Variants in DNAH17 observed in about 807,000 individuals in gnomAD.
The protein encoded by DNAH17 is axonemal beta dynein heavy chain 17.
Under a neutral mutation model 485.6 loss-of-function variants are expected in DNAH17, and 376 were observed. That is an observed-to-expected ratio of 0.77 (90% confidence interval 0.71 to 0.84). The LOEUF is 0.84. DNAH17 is among the 40% of genes least tolerant of loss of function. DNAH17 has a pLI of 0.00. For synonymous variants in DNAH17, 3,031 were observed against 2,405.9 expected (o/e 1.26, Z -7.60); for missense variants, 6,370 against 5,839.3 (o/e 1.09, Z -2.96).
At chr17:78,525,618 G>A (rs1480040409) in intron 24 of DNAH17, among the ~76,000 whole-genome samples, 1 of 152,254 alleles carries the variant, frequency 6.6e-6, no homozygotes, top group Non-Finnish European at 1.5e-5. Context: ...GATAGTGGGT[G>A]TGTTTGCGTG....
intron 16 of DNAH17, among the ~76,000 whole-genome samples, chr17:78,544,661 G>C (rs528640774): frequency 1.3e-5 from 2 of 152,006 alleles, no homozygotes; most frequent in Non-Finnish European, 2.9e-5. Context: ...AATTAGCCGC[G>C]CATGGTGGCG....
In DNAH17 at chr17:78,537,337, G is replaced by A. The variant is rs752633723; in HGVS notation, c.2821C>T (p.Leu941Phe). 2 of 1,597,480 alleles carry A rather than the reference G, an allele frequency of 1.3e-6. No individual in the cohort carries two copies. Among genetic ancestry groups the A allele is most frequent in the Middle Eastern group, 1.7e-4 (1 of 6,048 alleles). ...LVNDIYNVARLIPRLAKDRMN... is the reference protein window; with the variant it reads ...LVNDIYNVARFIPRLAKDRMN... ...CTGTCCTTGGCCAGCCGAGGGATGA[G>A]CCTGGCTACGTTGTAGATGTCGTTG... Residue 941 changes from leucine (L) to phenylalanine (F), a missense_variant, in exon 19 of 81, where the codon CTC (leucine) becomes TTC (phenylalanine). Transcript: ENST00000389840.
chr17:78,438,689 G>A (rs1289412735), intron 73 of DNAH17, among the ~76,000 whole-genome samples: 1 of 151,816 alleles, frequency 6.6e-6, no homozygotes, highest in South Asian at 2.1e-4. Flanking sequence ...AGTAGAGACA[G>A]GGTTTCGCCA....
rs9905502 is a variant in DNAH17, at chr17:78,570,037, C to T, written c.1044+210G>A. ...GACCTCCTCCTCTGTCCCCGTCTTC[C>T]CTTTCTTTTCCCTCAGTACCCTCCC... On this transcript the variant is annotated intron_variant, in intron 7 of 80. Transcript: ENST00000389840. Among the ~76,000 whole-genome samples, 70,901 of 152,036 alleles carry T rather than the reference C, an allele frequency of 0.47. 17,572 individuals are homozygous for T. Among genetic ancestry groups the T allele is most frequent in the African/African-American group, 0.63 (26,325 of 41,482 alleles).
At chr17:78,572,953 A>G (rs1336613474) in intron 2 of DNAH17, 59 bp from the exon 3 acceptor site, 16 of 1,509,382 alleles carry the variant, frequency 1.1e-5, no homozygotes, top group Admixed American at 1.9e-5. Context: ...CGGCAACCGC[A>G]CAGAGCCAGG....
chr17:78,471,538 C>CT (rs2088752395), intron 54 of DNAH17, among the ~76,000 whole-genome samples: 1 of 152,120 alleles, frequency 6.6e-6, no homozygotes, highest in African/African-American at 2.4e-5. Flanking sequence ...TCTGACTTTA[C>CT]TTTTTTAGAG....
In DNAH17 at chr17:78,425,474, G is replaced by A. The variant is rs144451444; in HGVS notation, c.13013C>T (p.Ser4338Phe). The A allele has an allele frequency of 1.2e-6, 2 of 1,613,874 alleles. No homozygotes were observed. Among genetic ancestry groups the A allele is most frequent in the Non-Finnish European group, 1.7e-6 (2 of 1,179,940 alleles). The change falls in exon 80 of 81, where the codon TCC becomes TTC. Residue 4338 changes from serine to phenylalanine, a missense_variant. Ser to Phe is a radical substitution (Grantham distance 155, BLOSUM62 -2). Coordinates refer to ENST00000389840, the MANE Select transcript of DNAH17 (RefSeq NM_173628.4). ...GGGCCACTCGTTCTTCCTGGCCATGGACTGCATGATGGCCGTGAGGAACGA... is the reference window on the plus strand; with the variant it reads ...GGGCCACTCGTTCTTCCTGGCCATGAACTGCATGATGGCCGTGAGGAACGA... Reference protein sequence around the residue: ...PQSFLTAIMQSMARKNEWPLD... With the variant: ...PQSFLTAIMQFMARKNEWPLD...
intron 26 of DNAH17, among the ~76,000 whole-genome samples, chr17:78,513,507 C>T (rs148432212): frequency 0.01 from 1,555 of 152,292 alleles, 33 homozygotes; most frequent in African/African-American, 0.036. Flanking sequence ...ATGATCTCGG[C>T]TCACTGCAAC....
At position 78,425,756 on chromosome 17, in the gene DNAH17, C is replaced by CTTT. The variant is rs71160294; in HGVS notation, c.12916-188_12916-186dup. The stretch of plus-strand genomic sequence containing the variant: ...TACCATGACGCAACTTTGGTGTCTG[C>CTTT]TTTTTTTTTTTTTTTTTTTTTTTTT... On this transcript the variant is annotated intron_variant, in intron 79 of 80. Transcript: ENST00000389840. Among the ~76,000 whole-genome samples the CTTT allele has an allele frequency of 2.2e-3, 266 of 120,604 alleles. 15 individuals are homozygous for CTTT. The highest frequency in any genetic ancestry group is 6.3e-3 in the African/African-American group (164 of 26,194). The allele number at this position is 120,604 out of a possible 152,430, so 79.1% of individuals were successfully genotyped here.
At chr17:78,570,192 GAGGGGACCCAGCCAGGAGGGGAGGA>G in intron 7 of DNAH17, 30 bp downstream of exon 7, 1 of 1,522,536 alleles carries the variant, frequency 6.6e-7, no homozygotes, top group Non-Finnish European at 8.9e-7. Flanking sequence ...GTGAACCGGG[GAGGGGACCCAGCCAGGAGGGGAGGA>G]AGGGGACCCA....
intron 75 of DNAH17, 112 bp from the exon 76 acceptor site, chr17:78,429,412 C>T (rs1256367938): frequency 8.5e-7 from 1 of 1,172,656 alleles, no homozygotes; most frequent in East Asian, 2.6e-5. Context: ...GGTGCTGTGT[C>T]CTTCTCGCCC....
Position 78,494,159 on chromosome 17 carries a change from G to A in DNAH17, c.6285C>T (p.Ser2095=), listed in dbSNP as rs374012554. The A allele has an allele frequency of 1.2e-5, 19 of 1,611,932 alleles. No individual in the cohort carries two copies. Among genetic ancestry groups the A allele is most frequent in the African/African-American group, 2.7e-5 (2 of 74,894 alleles). ...CCGCCTGCAGCTTGAGCTCCACGATGCTCTGCTTGATGATCTGGGGAGACA... is the reference window on the plus strand; with the variant it reads ...CCGCCTGCAGCTTGAGCTCCACGATACTCTGCTTGATGATCTGGGGAGACA... ...DLNFEKIIKQ[S]IVELKLQAED... The change falls in exon 41 of 81, where the codon AGC becomes AGT. Residue 2095 remains serine (S), a synonymous_variant. Transcript: ENST00000389840.
At chr17:78,469,553 C>A (rs2088649284) in intron 54 of DNAH17, among the ~76,000 whole-genome samples, 1 of 152,112 alleles carries the variant, frequency 6.6e-6, no homozygotes, top group Admixed American at 6.6e-5. Flanking sequence ...AGCTCAAGAC[C>A]AGCCTGAGCA....
intron 16 of DNAH17, among the ~76,000 whole-genome samples, chr17:78,548,499 C>G (rs11656376): frequency 6.6e-6 from 1 of 152,190 alleles, no homozygotes; most frequent in Admixed American, 6.5e-5. Context: ...CCACTGCACC[C>G]GGCCACGGCC....
chr17:78,516,365 T>C (rs895619813), intron 25 of DNAH17, among the ~76,000 whole-genome samples: 1 of 152,182 alleles, frequency 6.6e-6, no homozygotes, highest in African/African-American at 2.4e-5. Context: ...CTCAGATGCC[T>C]GCTATGTTCT....
intron 77 of DNAH17, among the ~76,000 whole-genome samples, chr17:78,427,349 G>A (rs937463996): frequency 6.6e-6 from 1 of 152,230 alleles, no homozygotes; most frequent in Non-Finnish European, 1.5e-5. Flanking sequence ...CCGCGGCCAT[G>A]AGCGCATCAG....
At chr17:78,442,756 C>T (rs994268062) in intron 71 of DNAH17, among the ~76,000 whole-genome samples, 9 of 152,070 alleles carry the variant, frequency 5.9e-5, no homozygotes, top group East Asian at 1.9e-4. Context: ...GAAGCACTTA[C>T]GCCATGGAAA....
intron 27 of DNAH17, among the ~76,000 whole-genome samples, chr17:78,509,987 G>C (rs1373657405): frequency 3.9e-5 from 6 of 152,140 alleles, no homozygotes; most frequent in African/African-American, 1.4e-4. Context: ...CTCGAGACCA[G>C]ACTGGCCAAC....
At chr17:78,538,919 A>C (rs906812542) in intron 18 of DNAH17, among the ~76,000 whole-genome samples, 6 of 152,118 alleles carry the variant, frequency 3.9e-5, no homozygotes, top group African/African-American at 1.4e-4. Flanking sequence ...ACTCAAAATC[A>C]TTTAGAAACC....
Sources: allele counts gnomAD v4.1 joint callset (sites outside exome capture counted in the v4.1 genomes callset), GRCh38; gene constraint gnomAD v4.1.1; transcripts MANE v1.5; gene names NCBI Gene and HGNC (gene_info 2026-07-23, HGNC 2026-07-21).